The following SCML4 variants were observed in gnomAD, a reference collection of about 807,000 sequenced individuals.
The protein encoded by SCML4 is sex comb on midleg-like protein 4.
A neutral mutation model predicts 41.1 loss-of-function variants in SCML4; 34 were observed. That is an observed-to-expected ratio of 0.83 (90% confidence interval 0.63 to 1.10). The LOEUF is 1.10. Ranked by LOEUF, SCML4 falls within the 50% of genes least tolerant of loss-of-function variation. SCML4 has a pLI of 0.00. For synonymous variants in SCML4, 214 were observed against 220.9 expected (o/e 0.97, Z 0.28); for missense variants, 522 against 534.1 (o/e 0.98, Z 0.22).
intron 2 of SCML4, chr6:107,755,523 A>G (rs771215165): frequency 2.6e-5 from 25 of 975,486 alleles, no homozygotes; most frequent in Admixed American, 3.2e-5. Flanking sequence ...CCCACTGGCT[A>G]GAAGCTTTGC....
chr6:107,720,895 A>G lies in SCML4; in HGVS notation c.781T>C (p.Leu261=). The G allele has an allele frequency of 6.2e-7, 1 of 1,614,162 alleles. No individual in the cohort carries two copies. Among genetic ancestry groups the G allele is most frequent in the East Asian group, 2.2e-5 (1 of 44,880 alleles). The change falls in exon 6 of 8, where the codon TTG becomes CTG. Residue 261 remains leucine (L), a synonymous_variant. Coordinates refer to ENST00000369020, the MANE Select transcript of SCML4 (RefSeq NM_198081.5). The part of the protein sequence containing the change: ...SASTFNHRGS[L]HPSSSLYCKR... ...CAGTACAGCGAGGAGGAGGGGTGCA[A>G]GGAGCCCCTGTGGTTAAAGGTGGAG...
At chr6:107,776,535 T>C (rs1406579577) in intron 1 of SCML4, among the ~76,000 whole-genome samples, 1 of 152,192 alleles carries the variant, frequency 6.6e-6, no homozygotes, top group East Asian at 1.9e-4. Flanking sequence ...GTATCATTTG[T>C]CAATTGCCAG....
intron 7 of SCML4, among the ~76,000 whole-genome samples, chr6:107,706,766 A>G (rs1264776501): frequency 6.6e-6 from 1 of 152,178 alleles, no homozygotes; most frequent in Non-Finnish European, 1.5e-5. Context: ...AGTGAGAACC[A>G]GGGATGGCAG....
intron 1 of SCML4, among the ~76,000 whole-genome samples, chr6:107,786,716 A>ACTC (rs1781924241): frequency 6.6e-6 from 1 of 151,922 alleles, no homozygotes; most frequent in East Asian, 1.9e-4. Context: ...CTCTTCCAGG[A>ACTC]CTCCTCCTAT....
At position 107,720,948 on chromosome 6, in the gene SCML4, A is replaced by C. The variant is rs1233218473; in HGVS notation, c.728T>G (p.Met243Arg). 1.7e-5 allele frequency: 27 copies of C among 1,613,734 alleles called. No homozygotes were observed. The highest frequency in any genetic ancestry group is 2.1e-5 in the Non-Finnish European group (25 of 1,179,840). ...TEEYLVNPVG[M>R]NRYSVDTSAS... ...GGAGGTGTCCACGCTGTAGCGGTTC[A>C]TGCCCACAGGGTTCACCAGGTACTC... Residue 243 changes from methionine (M) to arginine (R), a missense_variant, in exon 6 of 8, where the codon ATG becomes AGG. Coordinates refer to ENST00000369020, the MANE Select transcript of SCML4 (RefSeq NM_198081.5).
At chr6:107,794,681 G>A (rs553335230) in intron 1 of SCML4, among the ~76,000 whole-genome samples, 27 of 152,122 alleles carry the variant, frequency 1.8e-4, no homozygotes, top group African/African-American at 5.1e-4. Flanking sequence ...TACTTACTTC[G>A]ATAACCTAGC....
intron 1 of SCML4, among the ~76,000 whole-genome samples, chr6:107,784,949 T>C (rs1443197322): frequency 3.3e-5 from 5 of 152,180 alleles, no homozygotes; most frequent in Non-Finnish European, 7.3e-5. Flanking sequence ...TACCAGGTGC[T>C]AGTGGACATG....
intron 2 of SCML4, among the ~76,000 whole-genome samples, chr6:107,753,106 G>T (rs1309328028): frequency 6.6e-6 from 1 of 151,994 alleles, no homozygotes; most frequent in Non-Finnish European, 1.5e-5. Flanking sequence ...CCACCTTTCT[G>T]GTAGCTGTTA....
chr6:107,784,904 C>CTTT (rs1298817950), intron 1 of SCML4, among the ~76,000 whole-genome samples: 4,873 of 152,252 alleles, frequency 0.032, 284 homozygotes, highest in African/African-American at 0.11. Flanking sequence ...GACCAGCAAC[C>CTTT]ATTTCAGTGG....
chr6:107,761,390 T>C (rs2139080), intron 2 of SCML4, among the ~76,000 whole-genome samples: 110,600 of 151,530 alleles, frequency 0.73, 41,850 homozygotes, highest in East Asian at 0.9. Context: ...GCTAGAAAAG[T>C]AGTTGAATTC....
the SCML4 span, among the ~76,000 whole-genome samples, chr6:107,837,516 C>A: frequency 6.6e-6 from 1 of 152,176 alleles, no homozygotes; most frequent in Non-Finnish European, 1.5e-5. Flanking sequence ...ATGGCAGGTG[C>A]CTTTCCTGAC....
At chr6:107,792,967 T>G (rs1005473799) in intron 1 of SCML4, among the ~76,000 whole-genome samples, 6 of 152,154 alleles carry the variant, frequency 3.9e-5, no homozygotes, top group African/African-American at 1.4e-4. Context: ...CACTTGCTTC[T>G]GGGGGTAAGA....
intron 1 of SCML4, among the ~76,000 whole-genome samples, chr6:107,782,520 C>T (rs1427086013): frequency 6.6e-6 from 1 of 152,268 alleles, no homozygotes; most frequent in Non-Finnish European, 1.5e-5. Flanking sequence ...ACGTGGGGCC[C>T]TGGGCTGTTT....
At chr6:107,760,183 G>A (rs1411816096) in intron 2 of SCML4, among the ~76,000 whole-genome samples, 2 of 151,786 alleles carry the variant, frequency 1.3e-5, no homozygotes, top group Non-Finnish European at 2.9e-5. Context: ...ATTATTTGAA[G>A]TCCTGTTTCT....
In SCML4 at chr6:107,803,378, T is replaced by TGGG. The variant is rs749830221; in HGVS notation, c.-60+20745_-60+20747dup. Among the ~76,000 whole-genome samples the TGGG allele has an allele frequency of 1.2e-3, 173 of 146,040 alleles. 1 individual carries two copies. The highest frequency in any genetic ancestry group is 4.3e-3 in the African/African-American group (164 of 38,114). On this transcript the variant is annotated intron_variant, in intron 1 of 7. Coordinates refer to ENST00000369020, the MANE Select transcript of SCML4 (RefSeq NM_198081.5). ...GCAGCCACCCCGTCTGGGAGGGAGG[T>TGGG]GGGGGTCAGCCCCTCGCCCGGCCAG... is the stretch of plus-strand genomic sequence containing the variant.
chr6:107,827,370 A>G (rs922489412), upstream of SCML4, among the ~76,000 whole-genome samples: 4 of 148,784 alleles, frequency 2.7e-5, no homozygotes, highest in East Asian at 3.9e-4. Context: ...TTATTTAAAT[A>G]TATCTGTATA....
At chr6:107,835,088 A>G in the SCML4 span, among the ~76,000 whole-genome samples, 2 of 152,154 alleles carry the variant, frequency 1.3e-5, no homozygotes, top group Non-Finnish European at 2.9e-5. Flanking sequence ...GGCTGGGCTC[A>G]GTGGCTCGCG....
At chr6:107,740,190 G>C (rs1162222739) in intron 5 of SCML4, 1 of 470,390 alleles carries the variant, frequency 2.1e-6, no homozygotes, top group Non-Finnish European at 4.4e-6. Flanking sequence ...ACCATTTTAG[G>C]CTCAGTTTTA....
the SCML4 span, among the ~76,000 whole-genome samples, chr6:107,844,836 A>G: frequency 6.6e-6 from 1 of 151,588 alleles, no homozygotes; most frequent in African/African-American, 2.4e-5. Context: ...CCAAGCTGAG[A>G]GGATTGCTTG....
Sources: allele counts gnomAD v4.1 joint callset (sites outside exome capture counted in the v4.1 genomes callset), GRCh38; gene constraint gnomAD v4.1.1; transcripts MANE v1.5; gene names NCBI Gene and HGNC (gene_info 2026-07-23, HGNC 2026-07-21).